The following NCOR2 variants were observed in gnomAD, a reference collection of about 807,000 sequenced individuals.
NCOR2 encodes the protein nuclear receptor corepressor 2, also known as CTG repeat protein 26.
A neutral mutation model predicts 262.9 loss-of-function variants in NCOR2; 81 were observed. The observed-to-expected ratio is 0.31, with a 90% CI of 0.26 to 0.37. The LOEUF (loss-of-function observed/expected upper bound fraction) is 0.37. Ranked by LOEUF, NCOR2 falls within the 10% of genes least tolerant of loss-of-function variation. NCOR2 has a pLI of 1.00. For synonymous variants in NCOR2, 1,659 were observed against 1,559.3 expected (o/e 1.06, Z -1.51); for missense variants, 3,385 against 3,621.4 (o/e 0.93, Z 1.68).
At chr12:124,400,003 C>T (rs1258259446) in intron 15 of NCOR2, among the ~76,000 whole-genome samples, 1 of 152,102 alleles carries the variant, frequency 6.6e-6, no homozygotes, top group Non-Finnish European at 1.5e-5. Context: ...AAGTAGAGCC[C>T]ATGACATTCT....
At chr12:124,421,126 G>A (rs898693905) in intron 12 of NCOR2, among the ~76,000 whole-genome samples, 4 of 152,272 alleles carry the variant, frequency 2.6e-5, no homozygotes, top group African/African-American at 9.6e-5. Flanking sequence ...CCCCGCAGAC[G>A]GGCACAGACT....
rs755521614 is a variant in NCOR2, at chr12:124,523,782, C to G, written c.-118+11783G>C. Among the ~76,000 whole-genome samples, 2 of 152,214 alleles carry G rather than the reference C, an allele frequency of 1.3e-5. No homozygotes were observed. Among genetic ancestry groups the G allele is most frequent in the Non-Finnish European group, 2.9e-5 (2 of 68,052 alleles). Reference sequence around the variant, plus strand: ...CCTATGGGGTGCTGTCATACCCATTCCATTAATACATACTGGGAAACTGAG... The same window carrying G: ...CCTATGGGGTGCTGTCATACCCATTGCATTAATACATACTGGGAAACTGAG... On this transcript the variant is annotated intron_variant, in intron 1 of 46. Coordinates refer to the NCOR2 transcript ENST00000404621. This position sits in a 1 kb window ranked among gnomAD's most constrained non-coding sequence, Gnocchi z 4.0.
intron 1 of NCOR2, among the ~76,000 whole-genome samples, chr12:124,557,562 C>T (rs1286177788): frequency 6.6e-6 from 1 of 152,208 alleles, no homozygotes; most frequent in African/African-American, 2.4e-5. Context: ...TCCACAAAGA[C>T]CTTGTTTCCA....
chr12:124,333,963 TGCGG>T (rs2035605549), intron 41 of NCOR2, among the ~76,000 whole-genome samples: 2 of 149,482 alleles, frequency 1.3e-5, no homozygotes, highest in African/African-American at 2.5e-5. Context: ...CGTGTGTGTG[TGCGG>T]GTGCGCATGT....
At chr12:124,402,200 G>A (rs78075914) in intron 14 of NCOR2, among the ~76,000 whole-genome samples, 18 of 152,150 alleles carry the variant, frequency 1.2e-4, no homozygotes, top group Admixed American at 1.2e-3. Flanking sequence ...GCGGAGGAGA[G>A]GGGGGAGCCA....
chr12:124,501,972 C>G (rs1242993), intron 1 of NCOR2, among the ~76,000 whole-genome samples: 1 of 152,082 alleles, frequency 6.6e-6, no homozygotes, highest in African/African-American at 2.4e-5. Flanking sequence ...GCGCACAAGA[C>G]GCTGCGGAGC....
exon 42 of NCOR2, chr12:124,333,176 C>A (rs1167178433): frequency 4.3e-6 from 7 of 1,612,952 alleles, no homozygotes; most frequent in Non-Finnish European, 5.1e-6. Context: ...GGGTACACAG[C>A]ACTCCGGGAG....
rs1266969090 is a variant in NCOR2, at chr12:124,504,572, CAG to C, written c.-117-9206_-117-9205del. Among the ~76,000 whole-genome samples, 2 of 152,212 alleles carry C rather than the reference CAG, an allele frequency of 1.3e-5. No homozygotes were observed. Among genetic ancestry groups the C allele is most frequent in the Non-Finnish European group, 2.9e-5 (2 of 68,044 alleles). The stretch of plus-strand genomic sequence containing the variant: ...AACGGAAAACTGGTGACAAAACAAA[CAG>C]AAAGGATTAGAATGCCCACAGCAGC... On this transcript the variant is annotated intron_variant, in intron 1 of 46. Coordinates refer to the NCOR2 transcript ENST00000404621. This position sits in a 1 kb window ranked among gnomAD's most constrained non-coding sequence, Gnocchi z 4.5.
intron 1 of NCOR2, among the ~76,000 whole-genome samples, chr12:124,487,877 A>G (rs1027407760): frequency 2.2e-5 from 3 of 134,856 alleles, no homozygotes; most frequent in Non-Finnish European, 5.2e-5. Flanking sequence ...TGTGTTTAAA[A>G]AAAAAAAAAA....
rs548261169 is a variant in NCOR2 at position 124,566,837 on chromosome 12, G to A, written c.-165+471C>T. 3.9e-5 allele frequency among the ~76,000 whole-genome samples: 6 copies of A among 152,270 alleles called. No homozygotes were observed. The East Asian group carries it at 1.2e-3, about 29-fold the overall frequency. On this transcript the variant is annotated intron_variant, in intron 1 of 32. Transcript: ENST00000458234. This position sits in a 1 kb window ranked among gnomAD's most constrained non-coding sequence, Gnocchi z 4.3. The stretch of plus-strand genomic sequence containing the variant: ...CCCTCGGCTGGTGAGAGACCCTCAT[G>A]CGCCCCTCCACAACAGCCAGGCCAG...
chr12:124,447,066 C>T (rs901400090), intron 7 of NCOR2, among the ~76,000 whole-genome samples: 3 of 152,180 alleles, frequency 2.0e-5, no homozygotes, highest in Non-Finnish European at 2.9e-5. Flanking sequence ...AGGTACACGC[C>T]ACCACAGCCG....
chr12:124,398,057 C>T (rs374552502), intron 16 of NCOR2, 62 bp downstream of exon 18: 10 of 1,591,254 alleles, frequency 6.3e-6, no homozygotes, highest in African/African-American at 4.0e-5. Context: ...CTCCCCAGCA[C>T]GTGAGCTTCA....
chr12:124,346,116 T>C (rs1026653217), intron 31 of NCOR2, among the ~76,000 whole-genome samples: 7 of 152,192 alleles, frequency 4.6e-5, no homozygotes, highest in African/African-American at 1.7e-4. Context: ...GGTGAGTCGT[T>C]GAACCTCTCT....
exon 20 of NCOR2, chr12:124,372,448 G>C (rs1470841451): frequency 1.3e-6 from 2 of 1,542,024 alleles, no homozygotes; most frequent in African/African-American, 2.7e-5. Context: ...GGTGGGCTCA[G>C]TGGGGGCCGG....
chr12:124,456,491 C>A (rs1179133331), intron 6 of NCOR2, among the ~76,000 whole-genome samples: 1 of 152,118 alleles, frequency 6.6e-6, no homozygotes, highest in Non-Finnish European at 1.5e-5. Context: ...CTAGTGACAG[C>A]CATCATCGCC....
At chr12:124,356,843 C>T (rs1176369603) in intron 22 of NCOR2, 61 bp from the exon 25 acceptor site, 8 of 1,415,286 alleles carry the variant, frequency 5.7e-6, no homozygotes, top group African/African-American at 4.6e-5. Flanking sequence ...ACCTCGGGAG[C>T]CCTGGCTGAC....
chr12:124,485,236 T>G (rs560514325), intron 2 of NCOR2, among the ~76,000 whole-genome samples: 10 of 152,300 alleles, frequency 6.6e-5, no homozygotes, highest in African/African-American at 1.4e-4. Flanking sequence ...AACCTCAAAA[T>G]AAGACCTTCT....
intron 3 of NCOR2, among the ~76,000 whole-genome samples, chr12:124,475,472 TC>T (rs1178265057): frequency 1.3e-5 from 2 of 152,200 alleles, no homozygotes; most frequent in African/African-American, 4.8e-5. Flanking sequence ...GCCGGCACTT[TC>T]CTATAAAGGG....
At chr12:124,486,563 G>A (rs1160018757) in exon 2 of NCOR2, 13 of 1,571,770 alleles carry the variant, frequency 8.3e-6, no homozygotes, top group Admixed American at 1.9e-5. Flanking sequence ...CCAGGAGCCC[G>A]ACGTCCTGCA....
Sources: allele counts gnomAD v4.1 joint callset (sites outside exome capture counted in the v4.1 genomes callset), GRCh38; gene constraint gnomAD v4.1.1; non-coding constraint Gnocchi (gnomAD v3.1); transcripts MANE v1.5; gene names NCBI Gene and HGNC (gene_info 2026-07-23, HGNC 2026-07-21).